EHBP1: variants seen among roughly 807,000 people sequenced by gnomAD.
The protein encoded by EHBP1 is EH domain-binding protein 1.
In EHBP1, 55 loss-of-function variants were observed where a neutral mutation model predicts 144.0. The observed-to-expected ratio is 0.38, with a 90% CI of 0.31 to 0.48. The LOEUF (loss-of-function observed/expected upper bound fraction) is 0.48, where lower values mean the gene tolerates loss of function less well. EHBP1 is among the 20% of genes least tolerant of loss of function. EHBP1 has a pLI of 0.98. For synonymous variants in EHBP1, 469 were observed against 472.7 expected (o/e 0.99, Z 0.10); for missense variants, 1,200 against 1,364.2 (o/e 0.88, Z 1.90).
intron 3 of EHBP1, among the ~76,000 whole-genome samples, chr2:62,762,183 A>C (rs545957572): frequency 6.6e-6 from 1 of 152,286 alleles, no homozygotes; most frequent in South Asian, 2.1e-4. Context: ...AACATTTGGC[A>C]CAGGTGATTG....
intron 10 of EHBP1, among the ~76,000 whole-genome samples, chr2:62,914,411 T>A (rs1404373784): frequency 6.6e-6 from 1 of 152,134 alleles, no homozygotes; most frequent in Non-Finnish European, 1.5e-5. Flanking sequence ...AGTTCATTAG[T>A]TCTTTAATGT....
chr2:62,855,286 T>A (rs1177764854), intron 7 of EHBP1, among the ~76,000 whole-genome samples: 2 of 152,194 alleles, frequency 1.3e-5, no homozygotes, highest in Non-Finnish European at 1.5e-5. Context: ...AGGGCAGTGC[T>A]GACACACCAG....
chr2:62,948,465 C>G lies in EHBP1; in HGVS notation c.1619C>G (p.Thr540Arg). ...TYKVGNYETD[T>R]NSSVDQEKFY... ...AAAGTTGGAAACTATGAAACAGATA[C>G]AAACAGTTCTGTTGATCAAGAAAAA... Residue 540 changes from threonine (T) to arginine (R), a missense_variant, in exon 13 of 23, where the codon ACA becomes AGA. Physicochemically the swap from Thr to Arg is moderately conservative, Grantham distance 71. Around this residue, in one of 6 missense-constraint regions of EHBP1, gnomAD observed 94 missense variants for 143.0 expected, o/e 0.66. Coordinates refer to ENST00000431489, the MANE Select transcript of EHBP1 (RefSeq NM_001142616.3). 2 of 1,613,230 alleles carry G rather than the reference C, an allele frequency of 1.2e-6. No individual in the cohort carries two copies. The highest frequency in any genetic ancestry group is 1.1e-5 in the South Asian group (1 of 91,034).
At chr2:62,866,849 A>G (rs1490643644) in intron 9 of EHBP1, among the ~76,000 whole-genome samples, 1 of 152,168 alleles carries the variant, frequency 6.6e-6, no homozygotes, top group Non-Finnish European at 1.5e-5. Context: ...ATTTAAAAAT[A>G]TAAACAAACC....
At chr2:62,765,580 A>G (rs761778972) in intron 4 of EHBP1, among the ~76,000 whole-genome samples, 2 of 152,142 alleles carry the variant, frequency 1.3e-5, no homozygotes, top group Non-Finnish European at 2.9e-5. Flanking sequence ...CTAGTTGTGC[A>G]TTGTGGGAAG....
intron 1 of EHBP1, among the ~76,000 whole-genome samples, chr2:62,680,661 G>A (rs146475601): frequency 1.3e-5 from 2 of 150,462 alleles, no homozygotes; most frequent in Non-Finnish European, 3.0e-5. Context: ...AGAAATATGG[G>A]TTCTTCTAGG....
At chr2:62,737,631 C>T (rs764907664) in intron 2 of EHBP1, among the ~76,000 whole-genome samples, 4 of 152,144 alleles carry the variant, frequency 2.6e-5, no homozygotes, top group South Asian at 2.1e-4. Flanking sequence ...TAGGATGGAG[C>T]GGCAAACTGG....
intron 10 of EHBP1, among the ~76,000 whole-genome samples, chr2:62,887,120 A>C (rs954306510): frequency 5.9e-5 from 9 of 152,202 alleles, no homozygotes; most frequent in African/African-American, 2.2e-4. Context: ...ATAGATTACT[A>C]TTCTACCATT....
intron 5 of EHBP1, among the ~76,000 whole-genome samples, chr2:62,808,064 A>G (rs1048999101): frequency 1.3e-5 from 2 of 151,702 alleles, no homozygotes; most frequent in Non-Finnish European, 2.9e-5. Context: ...AAAAAAAAAA[A>G]AAAGAAAGAA....
intron 19 of EHBP1, among the ~76,000 whole-genome samples, chr2:63,031,088 C>T (rs992095809): frequency 7.2e-5 from 11 of 152,114 alleles, no homozygotes; most frequent in Non-Finnish European, 1.0e-4. Context: ...TGAGCCACTG[C>T]GCCCAGCTTC....
chr2:62,808,013 C>T (rs1448144848), intron 5 of EHBP1, among the ~76,000 whole-genome samples: 6 of 149,652 alleles, frequency 4.0e-5, no homozygotes, highest in East Asian at 2.0e-4. Context: ...TGGGGCCAGG[C>T]GTTTATTCCA....
At chr2:62,777,988 A>G (rs1327961369) in intron 5 of EHBP1, among the ~76,000 whole-genome samples, 2 of 152,190 alleles carry the variant, frequency 1.3e-5, no homozygotes, top group Non-Finnish European at 2.9e-5. Context: ...GTAACTGTTA[A>G]CCCAATGAAT....
chr2:62,973,312 A>G (rs954730058), intron 14 of EHBP1, among the ~76,000 whole-genome samples: 2 of 152,236 alleles, frequency 1.3e-5, no homozygotes, highest in Non-Finnish European at 2.9e-5. Flanking sequence ...ACTTAAACTT[A>G]GTTGCCTGAG....
chr2:62,862,055 A>G (rs1406451737), intron 8 of EHBP1, among the ~76,000 whole-genome samples: 1 of 152,202 alleles, frequency 6.6e-6, no homozygotes, highest in Non-Finnish European at 1.5e-5. Flanking sequence ...TTACATGATT[A>G]TAAAGATTCT....
intron 5 of EHBP1, among the ~76,000 whole-genome samples, chr2:62,820,221 A>G (rs999468476): frequency 2.0e-5 from 3 of 149,484 alleles, no homozygotes; most frequent in Admixed American, 6.6e-5. Context: ...TCAAAAAAAA[A>G]AAAGAAAAAA....
At chr2:62,675,438 AAT>A (rs2033250319) in intron 1 of EHBP1, among the ~76,000 whole-genome samples, 1 of 152,134 alleles carries the variant, frequency 6.6e-6, no homozygotes, top group African/African-American at 2.4e-5. Context: ...CTTTTTTGTG[AAT>A]ATACTGAAGG....
At chr2:62,908,914 A>C (rs1256949514) in intron 10 of EHBP1, among the ~76,000 whole-genome samples, 1 of 152,172 alleles carries the variant, frequency 6.6e-6, no homozygotes, top group Non-Finnish European at 1.5e-5. Context: ...TATATCTCCC[A>C]GTGCCTAGAA....
chr2:63,045,581 T>C lies in EHBP1; in HGVS notation c.*81T>C. On this transcript the variant is annotated 3_prime_UTR_variant, in exon 23 of 23. Coordinates refer to ENST00000431489, the MANE Select transcript of EHBP1 (RefSeq NM_001142616.3). This position sits in a 1 kb window ranked among gnomAD's most constrained non-coding sequence, Gnocchi z 5.7. Reference sequence around the variant, plus strand: ...GAAAAAGTCAGACTCATTGTTGATTTAAAACTTTTAACATTTTGTTTGGCT... The same window carrying C: ...GAAAAAGTCAGACTCATTGTTGATTCAAAACTTTTAACATTTTGTTTGGCT... 1 of 1,178,312 alleles carries C rather than the reference T, an allele frequency of 8.5e-7. No homozygotes were observed. Among genetic ancestry groups the C allele is most frequent in the Non-Finnish European group, 1.2e-6 (1 of 813,230 alleles). 73.0% of individuals were successfully genotyped at this position (1,178,312 alleles called of 1,614,324 possible). A position where few individuals can be genotyped will look rare whatever the true frequency, so the allele number is the denominator to read the frequency against.
intron 7 of EHBP1, among the ~76,000 whole-genome samples, chr2:62,834,230 G>A (rs1332193031): frequency 6.6e-6 from 1 of 152,240 alleles, no homozygotes; most frequent in Non-Finnish European, 1.5e-5. Flanking sequence ...TGATAAAGTA[G>A]TGGCAGGGTT....
Sources: allele counts gnomAD v4.1 joint callset (sites outside exome capture counted in the v4.1 genomes callset), GRCh38; gene constraint gnomAD v4.1.1; regional missense constraint gnomAD v4.1.1; non-coding constraint Gnocchi (gnomAD v3.1); transcripts MANE v1.5; gene names NCBI Gene and HGNC (gene_info 2026-07-23, HGNC 2026-07-21).